MRPS18B: variants seen among roughly 807,000 people sequenced by gnomAD.
MRPS18B encodes the protein small ribosomal subunit protein mS40.
A neutral mutation model predicts 28.4 loss-of-function variants in MRPS18B; 27 were observed. That is an observed-to-expected ratio of 0.95 (90% CI 0.70 to 1.31). The LOEUF (loss-of-function observed/expected upper bound fraction) is 1.31. Ranked by LOEUF, MRPS18B falls within the 40% of genes most tolerant of loss-of-function variation. The pLI is 0.00. For synonymous variants in MRPS18B, 118 were observed against 123.7 expected, an observed-to-expected ratio of 0.95 and a Z score of 0.30; for missense variants, 343 against 335.9, an observed-to-expected ratio of 1.02 and a Z score of -0.17.
chr6:30,619,563 C>G lies in MRPS18B; in HGVS notation c.149C>G (p.Pro50Arg). 6.2e-7 allele frequency: 1 copy of G among 1,612,988 alleles called. No homozygotes were observed. Among genetic ancestry groups the G allele is most frequent in the Non-Finnish European group, 8.5e-7 (1 of 1,179,966 alleles). ...TCTTTGTCCTCAGTTCCCATTTCTC[C>G]TTATAAGGATGAGCCCTGGAAATAT... ...EDSLSSVPISPYKDEPWKYLE... is the reference protein window; with the variant it reads ...EDSLSSVPISRYKDEPWKYLE... The change falls in exon 2 of 7, where the codon CCT (proline) becomes CGT (arginine). Residue 50 changes from proline to arginine, a missense_variant. Pro to Arg is a moderately radical substitution (Grantham distance 103). Transcript: ENST00000259873.
At position 30,625,783 on chromosome 6, in the gene MRPS18B, C is replaced by CA; in HGVS notation, c.764dup (p.Ser256GlufsTer34). ...CTCCTCCACTGGGCAGACAGGCCCT[C>CA]AGAGTGCTCTGTAGGAGCTGTAGAC... is the stretch of plus-strand genomic sequence containing the variant. On this transcript the variant is annotated frameshift_variant, in exon 7 of 7. Transcript: ENST00000259873. LOFTEE classifies it high-confidence loss of function. 6.2e-7 allele frequency: 1 copy of CA among 1,611,078 alleles called. No individual in the cohort carries two copies. Among genetic ancestry groups the CA allele is most frequent in the Non-Finnish European group, 8.5e-7 (1 of 1,178,446 alleles).
At chr6:30,623,798 G>GA (rs1761317699) in intron 5 of MRPS18B, among the ~76,000 whole-genome samples, 1 of 151,010 alleles carries the variant, frequency 6.6e-6, no homozygotes, top group Non-Finnish European at 1.5e-5. Flanking sequence ...TTTTTGAGAC[G>GA]AAGTTTCACT....
intron 1 of MRPS18B, 23 bp downstream of exon 1, chr6:30,617,966 G>A: frequency 1.2e-6 from 2 of 1,613,468 alleles, no homozygotes; most frequent in Non-Finnish European, 1.7e-6. Flanking sequence ...AAGACATTTT[G>A]CACAACCTCA....
At chr6:30,624,853 T>G (rs748694478) in intron 5 of MRPS18B, 30 bp from the exon 6 acceptor site, 1 of 1,611,240 alleles carries the variant, frequency 6.2e-7, no homozygotes, top group Non-Finnish European at 8.5e-7. Flanking sequence ...TTACTGTGCC[T>G]TAAAGAACAA....
intron 6 of MRPS18B, 33 bp downstream of exon 6, chr6:30,624,975 T>C: frequency 1.2e-6 from 2 of 1,612,110 alleles, no homozygotes; most frequent in Non-Finnish European, 1.7e-6. Context: ...AGCAGTTTTG[T>C]TTAGGTATAA....
At position 30,625,953 on chromosome 6, in the gene MRPS18B, T is replaced by C; in HGVS notation, c.*156T>C. On this transcript the variant is annotated 3_prime_UTR_variant, in exon 7 of 7. Coordinates refer to ENST00000259873, the MANE Select transcript of MRPS18B (RefSeq NM_014046.4). ...TCGTCTTTACCAAAAAATACAAAAA[T>C]TAGCTGGGTGTGGTGGTGCACACCT... The C allele has an allele frequency of 1.3e-6, 1 of 767,342 alleles. No homozygotes were observed. The highest frequency in any genetic ancestry group is 2.0e-6 in the Non-Finnish European group (1 of 488,340). The allele number at this position is 767,342 out of a possible 1,614,324, so 47.5% of individuals were successfully genotyped here. A position where few individuals can be genotyped will look rare whatever the true frequency, so the allele number is the denominator to read the frequency against.
chr6:30,625,864 G>A lies in MRPS18B; in HGVS notation c.*67G>A, dbSNP rs1433997484. The stretch of plus-strand genomic sequence containing the variant: ...TCCTGTAATCCCAGCACTTTGGGAA[G>A]CCAAGGTGGGCTGATCACTTGATCC... On this transcript the variant is annotated 3_prime_UTR_variant, in exon 7 of 7. Coordinates refer to ENST00000259873, the MANE Select transcript of MRPS18B (RefSeq NM_014046.4). 5 of 1,482,416 alleles carry A rather than the reference G, an allele frequency of 3.4e-6. No homozygotes were observed. In the African/African-American group the frequency reaches 4.2e-5, roughly 12 times the overall value. 91.8% of individuals were successfully genotyped at this position (1,482,416 alleles called of 1,614,324 possible).
intron 5 of MRPS18B, 61 bp from the exon 6 acceptor site, chr6:30,624,822 G>A (rs1761382827): frequency 3.2e-6 from 5 of 1,573,846 alleles, no homozygotes; most frequent in Non-Finnish European, 4.4e-6. Flanking sequence ...TCACCATATG[G>A]AAGCAGTTGT....
At chr6:30,621,380 C>T (rs561140228) in intron 4 of MRPS18B, among the ~76,000 whole-genome samples, 2 of 152,102 alleles carry the variant, frequency 1.3e-5, no homozygotes, top group South Asian at 2.1e-4. Context: ...CCAGCCTGGG[C>T]GAAAGAGTGA....
chr6:30,625,357 G>A, intron 6 of MRPS18B, 145 bp from the exon 7 acceptor site: 2 of 835,690 alleles, frequency 2.4e-6, no homozygotes, highest in South Asian at 1.8e-5. Context: ...TGCCCTCTGG[G>A]CCGGTCACCT....
At chr6:30,619,064 C>T (rs1760957391) in intron 1 of MRPS18B, among the ~76,000 whole-genome samples, 1 of 152,138 alleles carries the variant, frequency 6.6e-6, no homozygotes, top group African/African-American at 2.4e-5. Context: ...ACTACAGGCG[C>T]ATGCCACCAC....
intron 4 of MRPS18B, among the ~76,000 whole-genome samples, chr6:30,621,830 C>G (rs998350474): frequency 6.6e-6 from 1 of 152,086 alleles, no homozygotes; most frequent in African/African-American, 2.4e-5. Flanking sequence ...GCCTGTAGTC[C>G]CAGCTTCTCA....
At chr6:30,623,335 CAAAAAA>C (rs796312563) in intron 5 of MRPS18B, among the ~76,000 whole-genome samples, 8 of 127,520 alleles carry the variant, frequency 6.3e-5, no homozygotes, top group Non-Finnish European at 1.3e-4. Flanking sequence ...AGCTCCATCT[CAAAAAA>C]AAAAAAGGAA....
chr6:30,619,021 G>A (rs973557190), intron 1 of MRPS18B, among the ~76,000 whole-genome samples: 12 of 152,080 alleles, frequency 7.9e-5, no homozygotes, highest in African/African-American at 2.9e-4. Flanking sequence ...GGGTTCAAGT[G>A]ATTCTCTTGC....
At chr6:30,622,291 G>T (rs761180068) in intron 4 of MRPS18B, among the ~76,000 whole-genome samples, 1 of 151,838 alleles carries the variant, frequency 6.6e-6, no homozygotes, top group Non-Finnish European at 1.5e-5. Flanking sequence ...GCCCAGGCGC[G>T]GTGGCTCATG....
In MRPS18B at chr6:30,625,843, G is replaced by C; in HGVS notation, c.*46G>C. On this transcript the variant is annotated 3_prime_UTR_variant, in exon 7 of 7. Coordinates refer to ENST00000259873, the MANE Select transcript of MRPS18B (RefSeq NM_014046.4). ...AGGCCAGGCGTGGTGGCTCACTCCT[G>C]TAATCCCAGCACTTTGGGAAGCCAA... 1 of 1,553,562 alleles carries C rather than the reference G, an allele frequency of 6.4e-7. No homozygotes were observed. The highest frequency in any genetic ancestry group is 1.2e-5 in the South Asian group (1 of 85,234).
intron 1 of MRPS18B, 104 bp from the exon 2 acceptor site, chr6:30,619,389 A>G (rs564554619): frequency 4.6e-5 from 40 of 869,492 alleles, no homozygotes; most frequent in Middle Eastern, 2.3e-4. Flanking sequence ...GTTATATTCC[A>G]TTAATGCAGT....
At chr6:30,623,562 C>G (rs1455391052) in intron 5 of MRPS18B, among the ~76,000 whole-genome samples, 1 of 152,118 alleles carries the variant, frequency 6.6e-6, no homozygotes, top group Non-Finnish European at 1.5e-5. Flanking sequence ...TATTTATTCC[C>G]TAACTACAGT....
chr6:30,625,754 A>C lies in MRPS18B; in HGVS notation c.734A>C (p.Glu245Ala), dbSNP rs980089571. The C allele has an allele frequency of 3.1e-6, 5 of 1,612,784 alleles. No homozygotes were observed. The African/African-American group carries it at 6.7e-5, about 22-fold the overall frequency. ...MPKMPPRTPA[E>A]ASSTGQTGPQ... ...AAGATGCCCCCTAGAACACCAGCGG[A>C]AGCCTCCTCCACTGGGCAGACAGGC... is the stretch of plus-strand genomic sequence containing the variant. Residue 245 changes from glutamate to alanine, a missense_variant, in exon 7 of 7, where the codon GAA (glutamate) becomes GCA (alanine). Coordinates refer to ENST00000259873, the MANE Select transcript of MRPS18B (RefSeq NM_014046.4).
Sources: gnomAD v4.1 joint callset for allele counts (sites outside exome capture counted in the v4.1 genomes callset) on GRCh38, gnomAD v4.1.1 for gene constraint, MANE v1.5 for transcripts, NCBI Gene and HGNC (gene_info 2026-07-23, HGNC 2026-07-21) for gene names.